The following REDIC1 variants were observed in gnomAD, a reference collection of about 807,000 sequenced individuals.
The protein encoded by REDIC1 is HEI10 Interacting Protein 1.
At chr12:39,665,237 ATTAG>A in the REDIC1 span, among the ~76,000 whole-genome samples, 1 of 152,124 alleles carries the variant, frequency 6.6e-6, no homozygotes, top group Non-Finnish European at 1.5e-5. Context: ...TCCATCTTGA[ATTAG>A]TTTTTGTATA....
At chr12:39,713,206 CATAT>C in the REDIC1 span, among the ~76,000 whole-genome samples, 4 of 143,488 alleles carry the variant, frequency 2.8e-5, 1 homozygote, top group African/African-American at 1.1e-4. Context: ...TTTGCATATT[CATAT>C]ATGTTTATAT....
the REDIC1 span, among the ~76,000 whole-genome samples, chr12:39,728,235 A>G: frequency 6.6e-6 from 1 of 152,176 alleles, no homozygotes; most frequent in Non-Finnish European, 1.5e-5. Context: ...TTTAAAGGGA[A>G]TGCTTCCAGC....
At chr12:39,798,858 T>C in the REDIC1 span, among the ~76,000 whole-genome samples, 1 of 151,894 alleles carries the variant, frequency 6.6e-6, no homozygotes, top group Non-Finnish European at 1.5e-5. Context: ...GTTAATGCAC[T>C]ATTATGTATT....
At chr12:39,627,230 T>G in the REDIC1 span, among the ~76,000 whole-genome samples, 1 of 152,240 alleles carries the variant, frequency 6.6e-6, no homozygotes, top group African/African-American at 2.4e-5. Flanking sequence ...GCATGCACTT[T>G]TATCCTGTTG....
chr12:39,769,301 T>TA, the REDIC1 span, among the ~76,000 whole-genome samples: 1 of 152,128 alleles, frequency 6.6e-6, no homozygotes, highest in East Asian at 1.9e-4. Flanking sequence ...GTGACGAACT[T>TA]ACCTCCTTTT....
At chr12:39,638,966 C>G in the REDIC1 span, among the ~76,000 whole-genome samples, 1 of 152,008 alleles carries the variant, frequency 6.6e-6, no homozygotes, top group South Asian at 2.1e-4. Context: ...CTTAATTTTA[C>G]TGAGCTCTAT....
At chr12:39,640,540 T>C in the REDIC1 span, among the ~76,000 whole-genome samples, 1 of 151,914 alleles carries the variant, frequency 6.6e-6, no homozygotes, top group Admixed American at 6.6e-5. Flanking sequence ...AGATCCCAAA[T>C]AGATTTCAAC....
chr12:39,905,195 G>A, the REDIC1 span, among the ~76,000 whole-genome samples: 1 of 152,066 alleles, frequency 6.6e-6, no homozygotes, highest in Non-Finnish European at 1.5e-5. Context: ...ATAATACTCT[G>A]AACACTGTAC....
the REDIC1 span, among the ~76,000 whole-genome samples, chr12:39,870,951 A>C: frequency 6.6e-6 from 1 of 152,222 alleles, no homozygotes; most frequent in African/African-American, 2.4e-5. Context: ...ATTTGGTTAA[A>C]ATAGAATTTA....
the REDIC1 span, among the ~76,000 whole-genome samples, chr12:39,717,421 A>G: frequency 1.3e-5 from 2 of 152,062 alleles, no homozygotes; most frequent in African/African-American, 2.4e-5. Context: ...CTTAAGGAAG[A>G]AAAGATATAT....
the REDIC1 span, chr12:39,682,946 T>G: frequency 6.2e-7 from 1 of 1,613,446 alleles, no homozygotes; most frequent in Non-Finnish European, 8.5e-7. Context: ...AAAAACCATG[T>G]CACTGACAGA....
chr12:39,869,243 G>A, the REDIC1 span, among the ~76,000 whole-genome samples: 5 of 152,312 alleles, frequency 3.3e-5, no homozygotes, highest in African/African-American at 1.2e-4. Context: ...TAATACTAAT[G>A]TGTTAACAAG....
chr12:39,794,153 A>AAACCT, the REDIC1 span, among the ~76,000 whole-genome samples: 1 of 151,012 alleles, frequency 6.6e-6, no homozygotes, highest in Non-Finnish European at 1.5e-5. Context: ...AAAAAAACCA[A>AAACCT]AACAAAACCT....
the REDIC1 span, among the ~76,000 whole-genome samples, chr12:39,881,425 C>T: frequency 6.6e-5 from 10 of 152,086 alleles, no homozygotes; most frequent in East Asian, 5.8e-4. Context: ...CATTTCCTCA[C>T]GACTGTCTTT....
chr12:39,829,973 G>T, the REDIC1 span: 2 of 1,128,740 alleles, frequency 1.8e-6, no homozygotes, highest in Non-Finnish European at 2.6e-6. Flanking sequence ...ACCAGTATAT[G>T]CTGCAAAGTA....
the REDIC1 span, among the ~76,000 whole-genome samples, chr12:39,769,680 C>T: frequency 2.0e-5 from 3 of 151,832 alleles, no homozygotes; most frequent in East Asian, 3.9e-4. Flanking sequence ...TCTTCTTTTC[C>T]TGCCCTATTT....
the REDIC1 span, among the ~76,000 whole-genome samples, chr12:39,652,574 A>G: frequency 6.6e-6 from 1 of 152,054 alleles, no homozygotes; most frequent in Non-Finnish European, 1.5e-5. Context: ...ACCTTTTTGA[A>G]GTGCAAAAGG....
chr12:39,884,882 G>C, the REDIC1 span, among the ~76,000 whole-genome samples: 9 of 152,186 alleles, frequency 5.9e-5, no homozygotes, highest in Admixed American at 5.2e-4. Context: ...GCTAGAGAAA[G>C]CATTTAAAAT....
At chr12:39,850,604 C>T in the REDIC1 span, among the ~76,000 whole-genome samples, 11 of 152,146 alleles carry the variant, frequency 7.2e-5, no homozygotes, top group African/African-American at 1.4e-4. Context: ...CATTAGTATA[C>T]GGTAATTGCC....
Sources: gnomAD v4.1 joint callset for allele counts (sites outside exome capture counted in the v4.1 genomes callset) on GRCh38, gnomAD v4.1.1 for gene constraint, MANE v1.5 for transcripts, NCBI Gene and HGNC (gene_info 2026-07-23, HGNC 2026-07-21) for gene names.